The following CIROZ variants were observed in gnomAD, a reference collection of about 807,000 sequenced individuals.
The protein encoded by CIROZ is ciliated left-right organizer protein containing ZP-N domains.
chr1:10,978,872 G>A, the CIROZ span, among the ~76,000 whole-genome samples: 1 of 152,174 alleles, frequency 6.6e-6, no homozygotes, highest in Non-Finnish European at 1.5e-5. Context: ...AGGGGCCGCT[G>A]GTGGGCAAAA....
chr1:10,975,637 T>G, the CIROZ span, among the ~76,000 whole-genome samples: 546 of 149,302 alleles, frequency 3.7e-3, 6 homozygotes, highest in African/African-American at 0.012. Context: ...ATGTGAACCC[T>G]CAGCACAGGG....
At chr1:10,948,150 G>A in the CIROZ span, 10 of 1,613,530 alleles carry the variant, frequency 6.2e-6, no homozygotes, top group East Asian at 8.9e-5. Context: ...GGCATCCCTC[G>A]CTGGCAGGAT....
At chr1:10,981,972 G>T in the CIROZ span, 2 of 1,536,782 alleles carry the variant, frequency 1.3e-6, no homozygotes, top group African/African-American at 2.7e-5. Flanking sequence ...CACTAAGCAT[G>T]CCACTGGCTT....
the CIROZ span, among the ~76,000 whole-genome samples, chr1:10,981,015 G>A: frequency 6.6e-6 from 1 of 152,362 alleles, no homozygotes; most frequent in South Asian, 2.1e-4. Flanking sequence ...GCAGTCCACG[G>A]CCCAAAGGCC....
the CIROZ span, among the ~76,000 whole-genome samples, chr1:10,961,283 C>T: frequency 6.6e-6 from 1 of 152,122 alleles, no homozygotes; most frequent in South Asian, 2.1e-4. Flanking sequence ...CTTGGGGATC[C>T]CGGGGCGGGG....
chr1:10,955,097 G>A, the CIROZ span: 3 of 1,613,936 alleles, frequency 1.9e-6, no homozygotes, highest in Non-Finnish European at 2.5e-6. Context: ...CTGAGGCTCA[G>A]GGTTTCCTCA....
chr1:10,972,060 G>A, the CIROZ span, among the ~76,000 whole-genome samples: 5 of 152,322 alleles, frequency 3.3e-5, no homozygotes, highest in African/African-American at 9.6e-5. Flanking sequence ...CCACAGAGGC[G>A]TGCTAAATAT....
chr1:10,955,326 T>C, the CIROZ span: 2 of 706,884 alleles, frequency 2.8e-6, no homozygotes, highest in African/African-American at 3.5e-5. Flanking sequence ...AGCAAGTTAC[T>C]TGGTGTCCTG....
chr1:10,971,300 C>A, the CIROZ span, among the ~76,000 whole-genome samples: 16 of 151,422 alleles, frequency 1.1e-4, no homozygotes, highest in East Asian at 2.8e-3. Flanking sequence ...TGACCCCAGC[C>A]TCTGCCCATC....
the CIROZ span, chr1:10,976,310 A>G: frequency 1.8e-6 from 2 of 1,083,776 alleles, no homozygotes; most frequent in Non-Finnish European, 2.7e-6. Context: ...CTGCTGCCTC[A>G]TCTACCTTCA....
chr1:10,970,172 G>T, the CIROZ span: 1 of 1,293,020 alleles, frequency 7.7e-7, no homozygotes, highest in Non-Finnish European at 1.0e-6. Flanking sequence ...AAGGAAGGAA[G>T]GAAGGAAAAG....
the CIROZ span, among the ~76,000 whole-genome samples, chr1:10,958,012 C>T: frequency 1.3e-5 from 2 of 152,240 alleles, no homozygotes; most frequent in Admixed American, 6.5e-5. Flanking sequence ...AAAGAACGAA[C>T]ACACAGTTAC....
chr1:10,954,845 G>A, the CIROZ span: 25 of 850,286 alleles, frequency 2.9e-5, no homozygotes, highest in East Asian at 4.6e-4. Context: ...CTCCGGCCTC[G>A]GCTTCCCAAA....
chr1:10,962,076 CACAG>C, the CIROZ span, among the ~76,000 whole-genome samples: 1 of 152,168 alleles, frequency 6.6e-6, no homozygotes, highest in Non-Finnish European at 1.5e-5. Context: ...TCCTCCTCCT[CACAG>C]ACAGAAGATG....
chr1:10,974,679 GC>G, the CIROZ span, among the ~76,000 whole-genome samples: 1 of 152,160 alleles, frequency 6.6e-6, no homozygotes, highest in Non-Finnish European at 1.5e-5. This position sits in a 1 kb window ranked among gnomAD's most constrained non-coding sequence, Gnocchi z 4.4. Flanking sequence ...GGTGCCAGCG[GC>G]CACAGAGGTT....
At chr1:10,947,889 A>T in the CIROZ span, 10 of 1,612,080 alleles carry the variant, frequency 6.2e-6, no homozygotes, top group Non-Finnish European at 7.6e-6. Context: ...CGTGTGTGCA[A>T]CCCCCCACTC....
the CIROZ span, chr1:10,981,930 A>C: frequency 6.7e-7 from 1 of 1,488,882 alleles, no homozygotes; most frequent in Non-Finnish European, 9.0e-7. Context: ...ATTCTGATGG[A>C]AGATATTTGG....
the CIROZ span, chr1:10,949,007 T>C: frequency 3.5e-6 from 2 of 571,378 alleles, no homozygotes; most frequent in Non-Finnish European, 2.7e-6. Flanking sequence ...GGTGGATCAC[T>C]TGAGGCCAGG....
At chr1:10,949,729 C>A in the CIROZ span, 1 of 1,591,704 alleles carries the variant, frequency 6.3e-7, no homozygotes, top group East Asian at 2.3e-5. Context: ...GTGGCACTCC[C>A]GCTGGAGGGG....
Sources: gnomAD v4.1 joint callset for allele counts (sites outside exome capture counted in the v4.1 genomes callset) on GRCh38, gnomAD v4.1.1 for gene constraint, Gnocchi (gnomAD v3.1) non-coding constraint, MANE v1.5 for transcripts, NCBI Gene and HGNC (gene_info 2026-07-23, HGNC 2026-07-21) for gene names.